ATP11C: variants seen among roughly 807,000 people sequenced by gnomAD.
ATP11C encodes the protein phospholipid-transporting ATPase IG.
A neutral mutation model predicts 97.4 loss-of-function variants in ATP11C; 36 were observed. The ratio of observed to expected loss-of-function variants is 0.37; its 90% CI spans 0.28 to 0.49. The LOEUF (loss-of-function observed/expected upper bound fraction) is 0.49. Ranked by LOEUF, ATP11C falls within the 20% of genes least tolerant of loss-of-function variation. The pLI, the probability that ATP11C is intolerant of heterozygous loss-of-function variation, is 0.98. For synonymous variants in ATP11C, 275 were observed against 290.9 expected (o/e 0.95, Z 0.56); for missense variants, 730 against 824.6 (o/e 0.89, Z 1.40).
intron 19 of ATP11C, among the ~76,000 whole-genome samples, chrX:139,771,650 G>A (rs186626174): frequency 9.0e-6 from 1 of 111,713 alleles, no homozygotes; most frequent in African/African-American, 3.2e-5. Context: ...AACTTGTTGG[G>A]AACCGGAGCA....
chrX:139,742,294 A>G (rs1171741480), intron 26 of ATP11C, among the ~76,000 whole-genome samples: 1 of 111,915 alleles, frequency 8.9e-6, no homozygotes, highest in Non-Finnish European at 1.9e-5. Context: ...TGCTACTTCT[A>G]TCTCGATTTT....
At chrX:139,836,136 G>T (rs1341794803) in intron 1 of ATP11C, among the ~76,000 whole-genome samples, 1 of 108,990 alleles carries the variant, frequency 9.2e-6, no homozygotes, top group Non-Finnish European at 1.9e-5. Context: ...GCATTCAAGG[G>T]TGAGGAAGAA....
At chrX:139,866,084 G>A (rs2084276633) in intron 1 of ATP11C, among the ~76,000 whole-genome samples, 1 of 111,008 alleles carries the variant, frequency 9.0e-6, no homozygotes, top group Admixed American at 9.7e-5. Context: ...GGTGGCACAT[G>A]CCTGTAATAG....
chrX:139,883,472 T>C (rs1024850281), intron 1 of ATP11C, among the ~76,000 whole-genome samples: 1 of 111,319 alleles, frequency 9.0e-6, no homozygotes, highest in African/African-American at 3.3e-5. Context: ...GGGACAAAGG[T>C]AGTCATTAGA....
chrX:139,765,040 C>G (rs1256003933), intron 20 of ATP11C, among the ~76,000 whole-genome samples: 1 of 111,329 alleles, frequency 9.0e-6, no homozygotes, highest in African/African-American at 3.3e-5. Context: ...ATAAAATTAT[C>G]AAGGGTGACA....
chrX:139,830,283 G>C (rs1173060091), intron 1 of ATP11C, among the ~76,000 whole-genome samples: 1 of 111,813 alleles, frequency 8.9e-6, no homozygotes, highest in African/African-American at 3.2e-5. Flanking sequence ...GCACAGCTAA[G>C]AATTACTGCC....
At chrX:139,832,700 TAC>T (rs758403172) in intron 1 of ATP11C, among the ~76,000 whole-genome samples, 1 of 112,315 alleles carries the variant, frequency 8.9e-6, no homozygotes, top group Non-Finnish European at 1.9e-5. Flanking sequence ...TTCACTATGA[TAC>T]AGTTTCTCCA....
intron 26 of ATP11C, among the ~76,000 whole-genome samples, chrX:139,742,879 ATATATATATATATATAT>A (rs2081596204): frequency 4.8e-3 from 37 of 7,651 alleles, no homozygotes; most frequent in African/African-American, 9.5e-3. Flanking sequence ...AAAAAAAAAT[ATATATATATATATATAT>A]ATATATATAT....
intron 1 of ATP11C, among the ~76,000 whole-genome samples, chrX:139,862,515 T>C (rs1399034630): frequency 6.3e-5 from 7 of 111,809 alleles, no homozygotes; most frequent in Non-Finnish European, 5.6e-5. Flanking sequence ...CACTGCTTAG[T>C]GTATTGGAAA....
At chrX:139,853,147 A>C (rs1024069360) in intron 1 of ATP11C, among the ~76,000 whole-genome samples, 1 of 110,826 alleles carries the variant, frequency 9.0e-6, no homozygotes, top group African/African-American at 3.3e-5. Flanking sequence ...CCTCACACAA[A>C]CCCCCCCTTT....
upstream of ATP11C, among the ~76,000 whole-genome samples, chrX:139,936,655 T>C: frequency 9.0e-6 from 1 of 111,387 alleles, no homozygotes; most frequent in Middle Eastern, 4.6e-3. Flanking sequence ...TGTTGCACCA[T>C]TTCTGTACTA....
Position 139,796,182 on chromosome X carries a change from T to A in ATP11C, c.1206+91A>T, listed in dbSNP as rs761053126. On this transcript the variant is annotated intron_variant, in intron 12 of 29. Coordinates refer to ENST00000682941, the MANE Select transcript of ATP11C (RefSeq NM_001353812.2). Reference sequence around the variant, plus strand: ...TTTCTCTGAATCACTTTTCCAAATGTGACATGGTCACATATATTGGTAATC... The same window carrying A: ...TTTCTCTGAATCACTTTTCCAAATGAGACATGGTCACATATATTGGTAATC... The A allele has an allele frequency of 8.5e-5, 56 of 662,385 alleles. 1 individual carries two copies. Among genetic ancestry groups the A allele is most frequent in the Non-Finnish European group, 1.1e-4 (52 of 474,287 alleles). The allele number at this position is 662,385 out of a possible 1,213,427, so 54.6% of individuals were successfully genotyped here.
rs2082617308 is a variant in ATP11C, at chrX:139,788,243, G to A, written c.1469C>T (p.Thr490Ile). ...TTCATCTGGTGAAGAGGAGATATAG[G>A]TTAATTCAGCTGATTCTGTAGCTCC... ...VDGATESAEL[T>I]YISSSPDEIA... The change falls in exon 14 of 30, where the codon ACC becomes ATC. Residue 490 changes from threonine (T) to isoleucine (I), a missense_variant. By Grantham distance (89) the Thr-to-Ile change is moderately conservative. Transcript: ENST00000682941. 4.1e-6 allele frequency: 5 copies of A among 1,208,874 alleles called. No homozygotes were observed. The highest frequency in any genetic ancestry group is 5.6e-6 in the Non-Finnish European group (5 of 893,206).
intron 15 of ATP11C, among the ~76,000 whole-genome samples, chrX:139,786,134 C>T (rs780360644): frequency 7.2e-5 from 8 of 111,638 alleles, no homozygotes; most frequent in Non-Finnish European, 1.3e-4. Flanking sequence ...AGTGGAATGA[C>T]ATGATGAGAC....
At chrX:139,872,767 A>T (rs1177340794) in intron 1 of ATP11C, among the ~76,000 whole-genome samples, 1 of 112,073 alleles carries the variant, frequency 8.9e-6, no homozygotes. Context: ...AGCCCTTTTA[A>T]TATGTATTGC....
At chrX:139,874,199 T>C (rs1413591626) in intron 1 of ATP11C, among the ~76,000 whole-genome samples, 1 of 103,753 alleles carries the variant, frequency 9.6e-6, no homozygotes, top group Non-Finnish European at 1.9e-5. Flanking sequence ...TGTGCCACCA[T>C]GCCTGGCTAA....
chrX:139,768,342 T>C lies in ATP11C; in HGVS notation c.2309A>G (p.Asn770Ser). Residue 770 changes from asparagine (N) to serine (S), a missense_variant, in exon 20 of 30, where the codon AAT (asparagine) becomes AGT (serine). Transcript: ENST00000682941. ...TATTTGTAGGAAAATGCTTTTGTAATTGTTTGAACTAGAGTCTTGACTAGA... is the reference window on the plus strand; with the variant it reads ...TATTTGTAGGAAAATGCTTTTGTAACTGTTTGAACTAGAGTCTTGACTAGA... ...LNSSQDSSSN[N>S]YKSIFLQICM... is the part of the protein sequence containing the mutation. The C allele has an allele frequency of 1.7e-6, 2 of 1,188,982 alleles. No individual in the cohort carries two copies. Among genetic ancestry groups the C allele is most frequent in the Non-Finnish European group, 2.3e-6 (2 of 882,024 alleles).
intron 1 of ATP11C, among the ~76,000 whole-genome samples, chrX:139,908,147 C>T (rs192906241): frequency 2.1e-4 from 23 of 111,569 alleles, no homozygotes; most frequent in African/African-American, 7.2e-4. Flanking sequence ...CATCTTCCCC[C>T]GGTTCCACTG....
intron 1 of ATP11C, among the ~76,000 whole-genome samples, chrX:139,842,140 T>A (rs1376102776): frequency 1.8e-5 from 2 of 112,647 alleles, no homozygotes; most frequent in Non-Finnish European, 3.8e-5. Flanking sequence ...CACGCCATTC[T>A]CCTGCCTCAG....
Sources: allele counts gnomAD v4.1 joint callset (sites outside exome capture counted in the v4.1 genomes callset), GRCh38; gene constraint gnomAD v4.1.1; transcripts MANE v1.5; gene names NCBI Gene and HGNC (gene_info 2026-07-23, HGNC 2026-07-21).